PPFIA2: variants seen among roughly 807,000 people sequenced by gnomAD.
PPFIA2 encodes liprin-alpha-2.
A neutral mutation model predicts 175.5 loss-of-function variants in PPFIA2; 46 were observed. The ratio of observed to expected loss-of-function variants is 0.26; its 90% CI spans 0.21 to 0.34. PPFIA2 has a LOEUF of 0.34. Among genes scored for constraint, PPFIA2 ranks in the 10% least tolerant of loss-of-function variants. The pLI is 1.00. For missense variants in PPFIA2, 1,179 were observed against 1,506.1 expected, an observed-to-expected ratio of 0.78 and a Z score of 3.60; for synonymous variants, 568 against 511.4, an observed-to-expected ratio of 1.11 and a Z score of -1.49.
chr12:81,543,287 C>T (rs1309920533), intron 4 of PPFIA2, among the ~76,000 whole-genome samples: 1 of 151,960 alleles, frequency 6.6e-6, no homozygotes, highest in African/African-American at 2.4e-5. Context: ...ACAACAGCAA[C>T]ATAGCAATAA....
chr12:81,626,649 G>A (rs1039087819), intron 4 of PPFIA2, among the ~76,000 whole-genome samples: 1 of 152,004 alleles, frequency 6.6e-6, no homozygotes, highest in Admixed American at 6.6e-5. Flanking sequence ...CAGGAAATAA[G>A]GTGATGCTAT....
chr12:81,541,680 C>A (rs1029764241), intron 4 of PPFIA2, among the ~76,000 whole-genome samples: 80 of 151,338 alleles, frequency 5.3e-4, no homozygotes, highest in Non-Finnish European at 9.6e-4. Flanking sequence ...ATAAAAAAAA[C>A]CCTGCTAATA....
intron 4 of PPFIA2, among the ~76,000 whole-genome samples, chr12:81,636,379 C>T (rs1370787585): frequency 6.7e-6 from 1 of 150,056 alleles, no homozygotes; most frequent in Admixed American, 6.6e-5. Context: ...CATTCTCCTG[C>T]CTCAGCCTCC....
chr12:81,585,880 C>T (rs1452512780), intron 4 of PPFIA2, among the ~76,000 whole-genome samples: 1 of 151,782 alleles, frequency 6.6e-6, no homozygotes, highest in Non-Finnish European at 1.5e-5. Flanking sequence ...ATATGACTTG[C>T]AGCATAGTAG....
intron 16 of PPFIA2, among the ~76,000 whole-genome samples, chr12:81,353,563 A>C (rs1332421940): frequency 6.6e-6 from 1 of 152,204 alleles, no homozygotes; most frequent in Non-Finnish European, 1.5e-5. Flanking sequence ...AGTAGAAATA[A>C]AGATGATAAA....
At chr12:81,534,777 C>T (rs530240497) in intron 4 of PPFIA2, among the ~76,000 whole-genome samples, 1 of 151,720 alleles carries the variant, frequency 6.6e-6, no homozygotes, top group Admixed American at 6.6e-5. Flanking sequence ...CACACAAGAA[C>T]TCTTTCAGAA....
chr12:81,558,695 A>G (rs1567324372), intron 4 of PPFIA2, among the ~76,000 whole-genome samples: 1 of 152,168 alleles, frequency 6.6e-6, no homozygotes, highest in Non-Finnish European at 1.5e-5. Flanking sequence ...CTTGAAAAAT[A>G]CTTGAAGAGG....
At chr12:81,691,237 C>A (rs541063298) in intron 3 of PPFIA2, among the ~76,000 whole-genome samples, 11 of 152,250 alleles carry the variant, frequency 7.2e-5, no homozygotes, top group Non-Finnish European at 1.6e-4. Context: ...ACCTCTCCAT[C>A]CACTGAACTT....
At position 81,562,063 on chromosome 12, in the gene PPFIA2, T is replaced by C. The variant is rs547278476; in HGVS notation, c.304-104197A>G. Among the ~76,000 whole-genome samples the C allele has an allele frequency of 2.3e-4, 35 of 152,344 alleles. No homozygotes were observed. The South Asian group carries it at 6.2e-3, about 27-fold the overall frequency. On this transcript the variant is annotated intron_variant, in intron 4 of 32. Coordinates refer to ENST00000549396, the MANE Select transcript of PPFIA2 (RefSeq NM_003625.5). ...TTTAATAAGTTAATATTGACAGTACTTCTTTTATTCTAAAGTTTTGTTGTC... is the reference window on the plus strand; with the variant it reads ...TTTAATAAGTTAATATTGACAGTACCTCTTTTATTCTAAAGTTTTGTTGTC...
At position 81,756,113 on chromosome 12, in the gene PPFIA2, C is replaced by T. The variant is rs990719872; in HGVS notation, c.-2-1890G>A. Among the ~76,000 whole-genome samples the T allele has an allele frequency of 3.3e-5, 5 of 152,134 alleles. No homozygotes were observed. The East Asian group carries it at 9.7e-4, about 29-fold the overall frequency. The stretch of plus-strand genomic sequence containing the variant: ...CATGCATGAAACCTACACATTGAGC[C>T]GCTATGTCATTCTGAGAAATGATTA... On this transcript the variant is annotated intron_variant, in intron 2 of 32. Coordinates refer to ENST00000549396, the MANE Select transcript of PPFIA2 (RefSeq NM_003625.5).
At chr12:81,735,564 T>C (rs2081470114) in intron 3 of PPFIA2, among the ~76,000 whole-genome samples, 1 of 151,808 alleles carries the variant, frequency 6.6e-6, no homozygotes, top group Admixed American at 6.6e-5. Flanking sequence ...TCTTACTATT[T>C]TGAAGTATAA....
At chr12:81,535,925 A>G (rs2065304025) in intron 4 of PPFIA2, among the ~76,000 whole-genome samples, 1 of 151,804 alleles carries the variant, frequency 6.6e-6, no homozygotes, top group South Asian at 2.1e-4. Flanking sequence ...AATATAACAC[A>G]AGGTAACATC....
intron 4 of PPFIA2, among the ~76,000 whole-genome samples, chr12:81,462,539 T>C (rs1309559035): frequency 2.2e-5 from 3 of 138,272 alleles, no homozygotes; most frequent in Non-Finnish European, 4.6e-5. Flanking sequence ...TATGTATGTA[T>C]GTATGTATAT....
At chr12:81,357,478 A>G (rs2061023081) in intron 16 of PPFIA2, among the ~76,000 whole-genome samples, 1 of 152,208 alleles carries the variant, frequency 6.6e-6, no homozygotes, top group African/African-American at 2.4e-5. Flanking sequence ...ACATTATTCA[A>G]CAAACAGCTT....
intron 4 of PPFIA2, among the ~76,000 whole-genome samples, chr12:81,488,832 G>T (rs1202078601): frequency 6.6e-6 from 1 of 151,754 alleles, no homozygotes; most frequent in Admixed American, 6.6e-5. Context: ...ACTCTGAAGG[G>T]ATGGATGGTC....
At chr12:81,737,966 T>C (rs930584531) in intron 3 of PPFIA2, among the ~76,000 whole-genome samples, 2 of 151,828 alleles carry the variant, frequency 1.3e-5, no homozygotes, top group Admixed American at 1.3e-4. Flanking sequence ...AAAGTAAATA[T>C]TTTTCCAAAC....
intron 4 of PPFIA2, among the ~76,000 whole-genome samples, chr12:81,590,794 TC>T (rs760729722): frequency 9.6e-4 from 146 of 152,336 alleles, no homozygotes; most frequent in South Asian, 1.0e-3. Context: ...TAAGGCCTCC[TC>T]AGCCATGTGG....
At chr12:81,318,409 AG>A (rs1310004741) in intron 22 of PPFIA2, among the ~76,000 whole-genome samples, 1 of 151,726 alleles carries the variant, frequency 6.6e-6, no homozygotes, top group Non-Finnish European at 1.5e-5. Context: ...TTTTCTTAGG[AG>A]CTACAGGTAA....
At chr12:81,615,205 C>T (rs1595638608) in intron 4 of PPFIA2, among the ~76,000 whole-genome samples, 1 of 152,264 alleles carries the variant, frequency 6.6e-6, no homozygotes, top group South Asian at 2.1e-4. Context: ...AGCAGCTGCT[C>T]CCGTTTTTGG....
Sources: allele counts gnomAD v4.1 joint callset (sites outside exome capture counted in the v4.1 genomes callset), GRCh38; gene constraint gnomAD v4.1.1; transcripts MANE v1.5; gene names NCBI Gene and HGNC (gene_info 2026-07-23, HGNC 2026-07-21).